EPS15L1: variants seen among roughly 807,000 people sequenced by gnomAD.
EPS15L1 encodes epidermal growth factor receptor pathway substrate 15 like 1, also known as epidermal growth factor receptor substrate 15-like 1.
In EPS15L1, 43 loss-of-function variants were observed where a neutral mutation model predicts 117.1. The ratio of observed to expected loss-of-function variants is 0.37; its 90% CI spans 0.29 to 0.47. The LOEUF is 0.47. Among genes scored for constraint, EPS15L1 ranks in the 20% least tolerant of loss-of-function variants. The pLI, the probability that EPS15L1 is intolerant of heterozygous loss-of-function variation, is 0.99. For synonymous variants in EPS15L1, 459 were observed against 470.5 expected, an observed-to-expected ratio of 0.98 and a Z score of 0.32; for missense variants, 981 against 1,164.0, an observed-to-expected ratio of 0.84 and a Z score of 2.29.
At position 16,383,460 on chromosome 19, in the gene EPS15L1, G is replaced by A. The variant is rs147722510; in HGVS notation, c.2247+1669C>T. On this transcript the variant is annotated intron_variant, in intron 21 of 23. Coordinates refer to ENST00000455140, the MANE Select transcript of EPS15L1 (RefSeq NM_001258374.3). This position sits in a 1 kb window ranked among gnomAD's most constrained non-coding sequence, Gnocchi z 5.2. ...GGACTGCTGCCACCGTGTGGCCAAC[G>A]TTTTCTGCTTTCGGGAGATGGTTTC... The A allele has an allele frequency of 1.3e-5, 2 of 152,344 alleles. No individual in the cohort carries two copies. Among genetic ancestry groups the A allele is most frequent in the Non-Finnish European group, 2.9e-5 (2 of 68,038 alleles). The allele number at this position is 152,344 out of a possible 1,614,324, so 9.4% of individuals were successfully genotyped here.
At chr19:16,419,328 G>A (rs929378147) in intron 10 of EPS15L1, among the ~76,000 whole-genome samples, 39 of 152,244 alleles carry the variant, frequency 2.6e-4, no homozygotes, top group Middle Eastern at 3.4e-3. Flanking sequence ...GCATGGTGGC[G>A]CGCGCCTGTA....
chr19:16,444,613 A>T (rs1220810552), intron 1 of EPS15L1, among the ~76,000 whole-genome samples: 1 of 152,178 alleles, frequency 6.6e-6, no homozygotes, highest in Non-Finnish European at 1.5e-5. Flanking sequence ...GGCAGCAAAC[A>T]GCACATCGCC....
rs908102037 is a variant in EPS15L1 at position 16,404,810 on chromosome 19, CG to C, written c.1267-62del. On this transcript the variant is annotated intron_variant, in intron 13 of 23. Coordinates refer to ENST00000455140, the MANE Select transcript of EPS15L1 (RefSeq NM_001258374.3). The surrounding 1 kb of genome is among the most constrained non-coding windows in gnomAD (Gnocchi z 4.2). ...GAAAAATGAAGCATGTCCAAGATAA[CG>C]GGGGGCAGCCTGGGCCAGAAGTCCA... 1.3e-4 allele frequency: 204 copies of C among 1,580,658 alleles called. 1 individual carries two copies. Among genetic ancestry groups the C allele is most frequent in the African/African-American group, 3.9e-4 (29 of 74,492 alleles).
At chr19:16,412,499 TA>T (rs1371935629) in intron 13 of EPS15L1, among the ~76,000 whole-genome samples, 1 of 148,720 alleles carries the variant, frequency 6.7e-6, no homozygotes, top group Admixed American at 6.7e-5. Context: ...ACTCCATTTT[TA>T]AAAAAAAAGA....
In EPS15L1 at chr19:16,370,775, A is replaced by T. The variant is rs1437396861; in HGVS notation, c.2380+6347T>A. ...GGGACCGTTCCTTGGCACCGTCAGC[A>T]GGTCCCACCCAGCCCTAAGACAGAC... On this transcript the variant is annotated intron_variant, in intron 22 of 23. Transcript: ENST00000455140. The surrounding 1 kb of genome is among the most constrained non-coding windows in gnomAD (Gnocchi z 5.2). 1.3e-5 allele frequency among the ~76,000 whole-genome samples: 2 copies of T among 152,228 alleles called. No individual in the cohort carries two copies. The highest frequency in any genetic ancestry group is 2.9e-5 in the Non-Finnish European group (2 of 68,032).
chr19:16,448,358 C>T (rs1168133097), intron 1 of EPS15L1, among the ~76,000 whole-genome samples: 1 of 150,728 alleles, frequency 6.6e-6, no homozygotes, highest in African/African-American at 2.4e-5. Context: ...TGGAGAAACC[C>T]CATCTCTACT....
At chr19:16,444,842 T>C (rs1239741273) in intron 1 of EPS15L1, among the ~76,000 whole-genome samples, 2 of 151,214 alleles carry the variant, frequency 1.3e-5, no homozygotes, top group African/African-American at 4.9e-5. Flanking sequence ...TTCTCCTACC[T>C]CAGCCTCCCG....
chr19:16,456,386 G>GA (rs2093196450), intron 1 of EPS15L1, among the ~76,000 whole-genome samples: 1 of 151,088 alleles, frequency 6.6e-6, no homozygotes, highest in Non-Finnish European at 1.5e-5. Context: ...GCCAGGCGTG[G>GA]TGGCTCACGC....
intron 21 of EPS15L1, among the ~76,000 whole-genome samples, chr19:16,378,595 G>T (rs1014947735): frequency 6.6e-6 from 1 of 152,060 alleles, no homozygotes; most frequent in Non-Finnish European, 1.5e-5. Context: ...CCCACCTGGA[G>T]GGCAAGCACA....
chr19:16,403,739 G>C lies in EPS15L1; in HGVS notation c.1620C>G (p.Ile540Met). The change falls in exon 15 of 24, where the codon ATC (isoleucine) becomes ATG (methionine). Residue 540 changes from isoleucine (I) to methionine (M), a missense_variant. Physicochemically the swap from Ile to Met is conservative, Grantham distance 10. Transcript: ENST00000455140. Reference sequence around the variant, plus strand: ...ACCCGACTCCGTGAAGTACCTGGTTGATTTCGTCTTGCGTTGACTTCAGGG... The same window carrying C: ...ACCCGACTCCGTGAAGTACCTGGTTCATTTCGTCTTGCGTTGACTTCAGGG... ...IKSLKSTQDE[I>M]NQARSKLSQL... 1 of 1,612,458 alleles carries C rather than the reference G, an allele frequency of 6.2e-7. No homozygotes were observed. Among genetic ancestry groups the C allele is most frequent in the Non-Finnish European group, 8.5e-7 (1 of 1,180,002 alleles).
At chr19:16,369,676 A>AGTGTGTGTGTGTGTGTGTGT (rs10543332) in intron 22 of EPS15L1, among the ~76,000 whole-genome samples, 1,805 of 146,104 alleles carry the variant, frequency 0.012, 17 homozygotes, top group South Asian at 0.017. Context: ...AAGAAAAAAA[A>AGTGTGTGTGTGTGTGTGTGT]GTGTGTGTGT....
intron 16 of EPS15L1, among the ~76,000 whole-genome samples, chr19:16,399,390 C>T (rs960658954): frequency 3.3e-5 from 5 of 152,148 alleles, no homozygotes; most frequent in African/African-American, 1.2e-4. Flanking sequence ...ATGAATGACA[C>T]GGCCCTTGGC....
At chr19:16,421,202 C>G in intron 10 of EPS15L1, 117 bp downstream of exon 10, 1 of 1,179,878 alleles carries the variant, frequency 8.5e-7, no homozygotes, top group East Asian at 2.5e-5. Flanking sequence ...GGACGCCAGA[C>G]ACAGCGGAAG....
chr19:16,469,225 G>A (rs1269710479), intron 1 of EPS15L1, among the ~76,000 whole-genome samples: 1 of 152,094 alleles, frequency 6.6e-6, no homozygotes, highest in Non-Finnish European at 1.5e-5. Context: ...AAGCTCCAGG[G>A]GAGGGAGCGC....
At chr19:16,436,482 C>T (rs2092979640) in intron 6 of EPS15L1, 1 of 154,606 alleles carries the variant, frequency 6.5e-6, no homozygotes, top group South Asian at 2.0e-4. Context: ...GCAATCAGAA[C>T]ATCAGGGAGG....
At chr19:16,432,527 C>T (rs1167286967) in intron 7 of EPS15L1, among the ~76,000 whole-genome samples, 1 of 152,018 alleles carries the variant, frequency 6.6e-6, no homozygotes, top group Admixed American at 6.5e-5. Flanking sequence ...GAGATTGCGC[C>T]ACTGTACTCC....
intron 1 of EPS15L1, among the ~76,000 whole-genome samples, chr19:16,450,380 A>G (rs1042903515): frequency 6.6e-6 from 1 of 151,134 alleles, no homozygotes; most frequent in Non-Finnish European, 1.5e-5. Flanking sequence ...TCTCCAGGGC[A>G]GGGAACGCAT....
chr19:16,385,965 G>T (rs1423178825), intron 20 of EPS15L1, among the ~76,000 whole-genome samples: 1 of 152,222 alleles, frequency 6.6e-6, no homozygotes, highest in East Asian at 1.9e-4. Flanking sequence ...ATTCCTTTCT[G>T]GAAAGATGCC....
In EPS15L1 at chr19:16,386,117, G is replaced by A. The variant is rs1439526672; in HGVS notation, c.2164+54C>T. 6 of 1,359,722 alleles carry A rather than the reference G, an allele frequency of 4.4e-6. No individual in the cohort carries two copies. The African/African-American group carries it at 7.2e-5, about 16-fold the overall frequency. The allele number at this position is 1,359,722 out of a possible 1,614,324, so 84.2% of individuals were successfully genotyped here. ...GAGTGAAAGTGTTAACTGCGGGGGA[G>A]CTCTGCTACTGCCCAAGGAATAGTC... On this transcript the variant is annotated intron_variant, in intron 20 of 23. Transcript: ENST00000455140.
Sources: allele counts gnomAD v4.1 joint callset (sites outside exome capture counted in the v4.1 genomes callset), GRCh38; gene constraint gnomAD v4.1.1; non-coding constraint Gnocchi (gnomAD v3.1); transcripts MANE v1.5; gene names NCBI Gene and HGNC (gene_info 2026-07-23, HGNC 2026-07-21).